The following LMBR1 variants were observed in gnomAD, a reference collection of about 807,000 sequenced individuals.
LMBR1 encodes limb region 1 protein homolog.
In LMBR1, 52 loss-of-function variants were observed where a neutral mutation model predicts 73.9. That is an observed-to-expected ratio of 0.70 (90% CI 0.56 to 0.89). The LOEUF is 0.89. Ranked by LOEUF, LMBR1 falls within the 40% of genes least tolerant of loss-of-function variation. LMBR1 has a pLI of 0.00. For synonymous variants in LMBR1, 215 were observed against 209.4 expected (o/e 1.03, Z -0.23); for missense variants, 539 against 579.8 (o/e 0.93, Z 0.72).
chr7:156,856,852 T>C (rs1797046506), intron 1 of LMBR1, among the ~76,000 whole-genome samples: 1 of 152,046 alleles, frequency 6.6e-6, no homozygotes. Flanking sequence ...TAACAGCCTC[T>C]AGATAAGTGA....
chr7:156,675,125 AGGCAGCGGCGACCCGAAGG>A (rs553830648), downstream of LMBR1, among the ~76,000 whole-genome samples: 39 of 152,310 alleles, frequency 2.6e-4, no homozygotes, highest in South Asian at 5.8e-3. Flanking sequence ...AGACCCGAAG[AGGCAGCGGCGACCCGAAGG>A]GGCAGCGGAG....
intron 15 of LMBR1, among the ~76,000 whole-genome samples, chr7:156,711,628 G>C (rs1812099078): frequency 6.6e-6 from 1 of 152,108 alleles, no homozygotes; most frequent in African/African-American, 2.4e-5. Flanking sequence ...GTAACCATAA[G>C]AGTATGGTAC....
intron 1 of LMBR1, among the ~76,000 whole-genome samples, chr7:156,845,559 A>G (rs1839445442): frequency 1.3e-5 from 2 of 152,182 alleles, no homozygotes; most frequent in Admixed American, 1.3e-4. Flanking sequence ...AGAATGATAC[A>G]TATCTTAAAA....
chr7:156,785,314 A>G (rs974013883), intron 5 of LMBR1, among the ~76,000 whole-genome samples: 4 of 152,064 alleles, frequency 2.6e-5, no homozygotes, highest in African/African-American at 9.7e-5. Context: ...AAAACCCAAT[A>G]TGATTTGGGG....
At chr7:156,689,592 C>T (rs184848202) in intron 15 of LMBR1, among the ~76,000 whole-genome samples, 1 of 152,282 alleles carries the variant, frequency 6.6e-6, no homozygotes, top group East Asian at 1.9e-4. Flanking sequence ...CTTCTGTAGC[C>T]ACTTCTACCC....
intron 5 of LMBR1, among the ~76,000 whole-genome samples, chr7:156,780,282 A>G (rs17837694): frequency 0.049 from 7,521 of 152,326 alleles, 282 homozygotes; most frequent in East Asian, 0.15. Context: ...GGACAAAAAG[A>G]AAGTGCTTGG....
intron 1 of LMBR1, among the ~76,000 whole-genome samples, chr7:156,850,007 T>A (rs1213743268): frequency 6.6e-6 from 1 of 152,194 alleles, no homozygotes; most frequent in African/African-American, 2.4e-5. Flanking sequence ...AAATAAAGTC[T>A]AATTTTAAAA....
At position 156,836,794 on chromosome 7, in the gene LMBR1, T is replaced by C. The variant is rs370503974; in HGVS notation, c.139+19A>G. On this transcript the variant is annotated intron_variant, in intron 2 of 16. Coordinates refer to ENST00000353442, the MANE Select transcript of LMBR1 (RefSeq NM_022458.4). ...TGTGGCATTCTAACAAAGGTTTTAA[T>C]TGACATGTTTCCACTTGCCTGATTT... 142 of 1,513,142 alleles carry C rather than the reference T, an allele frequency of 9.4e-5. No homozygotes were observed. Among genetic ancestry groups the C allele is most frequent in the Non-Finnish European group, 1.1e-4 (123 of 1,106,988 alleles). The allele number at this position is 1,513,142 out of a possible 1,614,324, so 93.7% of individuals were successfully genotyped here.
intron 1 of LMBR1, among the ~76,000 whole-genome samples, chr7:156,883,133 G>C (rs961975426): frequency 6.6e-6 from 1 of 152,114 alleles, no homozygotes; most frequent in Non-Finnish European, 1.5e-5. Context: ...ATGCATGGTG[G>C]CTCACACCTG....
intron 15 of LMBR1, among the ~76,000 whole-genome samples, chr7:156,705,535 G>A (rs1441985802): frequency 6.6e-6 from 1 of 152,072 alleles, no homozygotes; most frequent in Admixed American, 6.6e-5. Context: ...CTCCAGCTGG[G>A]AGACACAGTG....
At chr7:156,776,605 C>T (rs1009312566) in intron 5 of LMBR1, among the ~76,000 whole-genome samples, 1 of 152,124 alleles carries the variant, frequency 6.6e-6, no homozygotes, top group Non-Finnish European at 1.5e-5. Context: ...GCTCTGCCTC[C>T]ACATCCTCAG....
chr7:156,875,537 A>G, intron 1 of LMBR1, among the ~76,000 whole-genome samples: 1 of 152,222 alleles, frequency 6.6e-6, no homozygotes, highest in East Asian at 1.9e-4. Context: ...AAAAGTCAAG[A>G]TGAAGGAAAG....
chr7:156,891,126 G>A (rs1032892184), intron 1 of LMBR1, among the ~76,000 whole-genome samples: 2 of 145,660 alleles, frequency 1.4e-5, no homozygotes, highest in African/African-American at 5.1e-5. Context: ...CGGAGGCAGA[G>A]GTTGCAGTGA....
chr7:156,678,847 C>T lies in LMBR1; in HGVS notation c.*5231G>A, dbSNP rs1197588069. 1 of 152,142 alleles carries T rather than the reference C, an allele frequency of 6.6e-6. No individual in the cohort carries two copies. The highest frequency in any genetic ancestry group is 2.1e-4 in the South Asian group (1 of 4,834). The allele number at this position is 152,142 out of a possible 1,614,324, so 9.4% of individuals were successfully genotyped here. A position where few individuals can be genotyped will look rare whatever the true frequency, so the allele number is the denominator to read the frequency against. On this transcript the variant is annotated 3_prime_UTR_variant, in exon 17 of 17. Coordinates refer to ENST00000353442, the MANE Select transcript of LMBR1 (RefSeq NM_022458.4). ...GCCTTTAAATCCACTTAATTAGGAGCCTACCATTCCATGGGCGGGGGGAAT... is the reference window on the plus strand; with the variant it reads ...GCCTTTAAATCCACTTAATTAGGAGTCTACCATTCCATGGGCGGGGGGAAT...
At chr7:156,791,431 A>T (rs1829208150) in intron 5 of LMBR1, among the ~76,000 whole-genome samples, 1 of 152,194 alleles carries the variant, frequency 6.6e-6, no homozygotes, top group South Asian at 2.1e-4. Context: ...GCCTGATACA[A>T]ATTAGCCACT....
chr7:156,859,003 C>T (rs1056441523), intron 1 of LMBR1, among the ~76,000 whole-genome samples: 1 of 152,096 alleles, frequency 6.6e-6, no homozygotes, highest in Non-Finnish European at 1.5e-5. Context: ...CCTGTAATCC[C>T]AGCACTTTGG....
chr7:156,880,777 C>A (rs576044888), intron 1 of LMBR1, among the ~76,000 whole-genome samples: 1 of 152,034 alleles, frequency 6.6e-6, no homozygotes, highest in Non-Finnish European at 1.5e-5. Flanking sequence ...CTCAGCCTCC[C>A]GAGTAGCTGG....
At chr7:156,833,973 A>T (rs1047968107) in intron 2 of LMBR1, among the ~76,000 whole-genome samples, 181 bp from the exon 3 acceptor site, 28 of 152,224 alleles carry the variant, frequency 1.8e-4, no homozygotes, top group Non-Finnish European at 3.1e-4. Flanking sequence ...ATCAAGTAGT[A>T]TGGTATATAG....
At chr7:156,790,492 T>G (rs1379634908) in intron 5 of LMBR1, among the ~76,000 whole-genome samples, 2 of 152,012 alleles carry the variant, frequency 1.3e-5, no homozygotes, top group Non-Finnish European at 2.9e-5. Context: ...GCCACTGTTA[T>G]GCAAATAAAG....
Sources: gnomAD v4.1 joint callset for allele counts (sites outside exome capture counted in the v4.1 genomes callset) on GRCh38, gnomAD v4.1.1 for gene constraint, MANE v1.5 for transcripts, NCBI Gene and HGNC (gene_info 2026-07-23, HGNC 2026-07-21) for gene names.